Variants in PCDHA1 observed in about 807,000 individuals in gnomAD.
The protein encoded by PCDHA1 is protocadherin alpha-1.
In PCDHA1, 42 loss-of-function variants were observed where a neutral mutation model predicts 61.3. That is an observed-to-expected ratio of 0.69 (90% CI 0.54 to 0.89). PCDHA1 has a LOEUF of 0.89. PCDHA1 is among the 40% of genes least tolerant of loss of function. The pLI is 0.00. For synonymous variants in PCDHA1, 610 were observed against 553.8 expected, an observed-to-expected ratio of 1.10 and a Z score of -1.43; for missense variants, 1,256 against 1,235.3, an observed-to-expected ratio of 1.02 and a Z score of -0.25.
At chr5:140,888,159 C>T (rs1468895090) in intron 1 of PCDHA1, among the ~76,000 whole-genome samples, 1 of 152,080 alleles carries the variant, frequency 6.6e-6, no homozygotes, top group Non-Finnish European at 1.5e-5. Flanking sequence ...GACTGGTAAT[C>T]TCTAATAAGA....
intron 1 of PCDHA1, chr5:140,968,356 C>T (rs1586289885): frequency 1.2e-6 from 2 of 1,614,062 alleles, no homozygotes; most frequent in Non-Finnish European, 1.7e-6. Context: ...CCAGTGGCAG[C>T]CTTTATGCTG....
intron 1 of PCDHA1, chr5:140,877,741 A>C: frequency 6.2e-7 from 1 of 1,614,182 alleles, no homozygotes; most frequent in Non-Finnish European, 8.5e-7. Context: ...GAGGAGGCAG[A>C]GGGTGTGCTC....
At chr5:140,797,146 A>C in intron 1 of PCDHA1, 1 of 1,613,926 alleles carries the variant, frequency 6.2e-7, no homozygotes, top group South Asian at 1.1e-5. Context: ...GGTGCCACCC[A>C]CCGAGGGTGC....
intron 1 of PCDHA1, among the ~76,000 whole-genome samples, chr5:140,977,477 A>G (rs919582107): frequency 4.6e-5 from 7 of 152,230 alleles, no homozygotes. Flanking sequence ...AGATAATTTT[A>G]TGCTATGTTA....
rs375305711 is a variant in PCDHA1 at position 140,857,742 on chromosome 5, T to C, written c.2394+69058T>C. 63 of 1,597,390 alleles carry C rather than the reference T, an allele frequency of 3.9e-5. No homozygotes were observed. In the East Asian group the frequency reaches 5.1e-4, roughly 13 times the overall value. On this transcript the variant is annotated intron_variant, in intron 1 of 3. Coordinates refer to ENST00000504120, the MANE Select transcript of PCDHA1 (RefSeq NM_018900.4). Reference sequence around the variant, plus strand: ...GAGAACGACAACGCTCCCGCGCTGCTGGCGTCTCCCGCTGGCAGCGCGGGC... The same window carrying C: ...GAGAACGACAACGCTCCCGCGCTGCCGGCGTCTCCCGCTGGCAGCGCGGGC...
chr5:140,807,595 A>G (rs1205314334), intron 1 of PCDHA1: 3 of 1,614,194 alleles, frequency 1.9e-6, no homozygotes, highest in Non-Finnish European at 2.5e-6. Flanking sequence ...TCCCAGCAAC[A>G]CAAAAGAACC....
At chr5:141,005,479 G>A (rs371636060) in intron 3 of PCDHA1, among the ~76,000 whole-genome samples, 43 of 151,818 alleles carry the variant, frequency 2.8e-4, no homozygotes, top group Non-Finnish European at 2.6e-4. Context: ...CGAGACGGGC[G>A]GATCATGAGG....
At chr5:140,901,553 A>C (rs1387848935) in intron 1 of PCDHA1, among the ~76,000 whole-genome samples, 1 of 152,072 alleles carries the variant, frequency 6.6e-6, no homozygotes, top group African/African-American at 2.4e-5. Flanking sequence ...TGTTCCATTC[A>C]TCTATGTGTC....
At chr5:140,842,748 C>T (rs149941021) in intron 1 of PCDHA1, 2 of 1,595,020 alleles carry the variant, frequency 1.3e-6, no homozygotes, top group East Asian at 2.2e-5. Flanking sequence ...CACATCTTCA[C>T]GGTGTCTGCG....
In PCDHA1 at chr5:140,788,061, G is replaced by C. The variant is rs782221084; in HGVS notation, c.1771G>C (p.Val591Leu). ...VPRLVGAGHV[V>L]AKVRAVDADS... ...GCGATTGGTGGGTGCGGGTCATGTGGTGGCGAAGGTGCGCGCAGTGGACGC... is the reference window on the plus strand; with the variant it reads ...GCGATTGGTGGGTGCGGGTCATGTGCTGGCGAAGGTGCGCGCAGTGGACGC... Residue 591 changes from valine to leucine, a missense_variant, in exon 1 of 4, where the codon GTG becomes CTG. Physicochemically the swap from Val to Leu is conservative, Grantham distance 32. Coordinates refer to ENST00000504120, the MANE Select transcript of PCDHA1 (RefSeq NM_018900.4). 1 of 1,614,012 alleles carries C rather than the reference G, an allele frequency of 6.2e-7. No individual in the cohort carries two copies. The highest frequency in any genetic ancestry group is 1.7e-5 in the Admixed American group (1 of 60,024).
chr5:140,987,007 A>C (rs2097221901), intron 3 of PCDHA1, among the ~76,000 whole-genome samples: 1 of 152,142 alleles, frequency 6.6e-6, no homozygotes, highest in African/African-American at 2.4e-5. Context: ...TGAGGTCATG[A>C]GTTCGAGACC....
At chr5:140,968,317 A>T (rs144335538) in intron 1 of PCDHA1, 17,308 of 1,614,002 alleles carry the variant, frequency 0.011, 130 homozygotes, top group Non-Finnish European at 0.013. Flanking sequence ...AAGGGCTGCC[A>T]GTCACCTCCT....
intron 1 of PCDHA1, among the ~76,000 whole-genome samples, chr5:140,944,938 A>G (rs2153667882): frequency 6.6e-6 from 1 of 152,262 alleles, no homozygotes; most frequent in African/African-American, 2.4e-5. Context: ...CCTTCTTTAG[A>G]TGATTGTGAA....
chr5:140,871,245 G>A, intron 1 of PCDHA1: 1 of 1,613,982 alleles, frequency 6.2e-7, no homozygotes, highest in Non-Finnish European at 8.5e-7. Flanking sequence ...TACTCACGCT[G>A]CTGCTGTATA....
intron 1 of PCDHA1, among the ~76,000 whole-genome samples, chr5:140,826,902 T>C (rs2150145831): frequency 6.6e-6 from 1 of 152,196 alleles, no homozygotes. Flanking sequence ...AAGATAAATA[T>C]GATAGCATGT....
intron 1 of PCDHA1, among the ~76,000 whole-genome samples, chr5:140,896,952 T>G (rs2153454853): frequency 6.6e-6 from 1 of 152,352 alleles, no homozygotes; most frequent in East Asian, 1.9e-4. Context: ...GCCATTCCCT[T>G]AAACATTTAT....
At position 141,009,931 on chromosome 5, in the gene PCDHA1, C is replaced by T. The variant is rs2098415407; in HGVS notation, c.2847C>T (p.Asp949=). ...EKGNSTTDNS[D]Q ...GGAACAGCACGACTGACAACAGTGA[C>T]CAGTGAGGTCCTCAAATGGAAACAA... Residue 949 remains aspartate (D), a synonymous_variant, in exon 4 of 4, where the codon GAC becomes GAT. Transcript: ENST00000504120. The T allele has an allele frequency of 6.2e-7, 1 of 1,601,706 alleles. No individual in the cohort carries two copies. The highest frequency in any genetic ancestry group is 8.5e-7 in the Non-Finnish European group (1 of 1,175,864).
chr5:140,820,357 T>C (rs1476872263), intron 1 of PCDHA1, among the ~76,000 whole-genome samples: 1 of 152,044 alleles, frequency 6.6e-6, no homozygotes, highest in Non-Finnish European at 1.5e-5. Flanking sequence ...GAATTTCCTC[T>C]GACTTTGCAT....
At chr5:140,995,557 A>G (rs1032736761) in intron 3 of PCDHA1, among the ~76,000 whole-genome samples, 2 of 152,252 alleles carry the variant, frequency 1.3e-5, no homozygotes, top group African/African-American at 2.4e-5. Flanking sequence ...ACTGTACTGA[A>G]TAATATGTCA....
Sources: gnomAD v4.1 joint callset for allele counts (sites outside exome capture counted in the v4.1 genomes callset) on GRCh38, gnomAD v4.1.1 for gene constraint, MANE v1.5 for transcripts, NCBI Gene and HGNC (gene_info 2026-07-23, HGNC 2026-07-21) for gene names.